The following ZNF385B variants were observed in gnomAD, a reference collection of about 807,000 sequenced individuals.
ZNF385B encodes zinc finger protein 533.
Under a neutral mutation model 39.2 loss-of-function variants are expected in ZNF385B, and 23 were observed. That is an observed-to-expected ratio of 0.59 (90% CI 0.42 to 0.83). The LOEUF (loss-of-function observed/expected upper bound fraction) is 0.83. Among genes scored for constraint, ZNF385B ranks in the 40% least tolerant of loss-of-function variants. The probability of loss-of-function intolerance (pLI) is 0.00; values close to 1 mark genes in which losing one functional copy is unlikely to be tolerated. For synonymous variants in ZNF385B, 205 were observed against 222.6 expected (o/e 0.92, Z 0.70); for missense variants, 552 against 598.9 (o/e 0.92, Z 0.82).
intron 1 of ZNF385B, among the ~76,000 whole-genome samples, chr2:179,849,053 GT>G (rs1708946341): frequency 6.6e-6 from 1 of 152,124 alleles, no homozygotes; most frequent in African/African-American, 2.4e-5. Context: ...GGAATCTTCA[GT>G]TTAAATATGT....
chr2:179,525,146 T>C (rs2058809423), intron 4 of ZNF385B, among the ~76,000 whole-genome samples: 1 of 152,146 alleles, frequency 6.6e-6, no homozygotes, highest in Non-Finnish European at 1.5e-5. Context: ...TGTTCCCTGC[T>C]AAAGAAACAC....
At chr2:179,618,270 A>G (rs980394014) in intron 3 of ZNF385B, among the ~76,000 whole-genome samples, 1 of 152,004 alleles carries the variant, frequency 6.6e-6, no homozygotes, top group Non-Finnish European at 1.5e-5. Context: ...ACTATTGCCA[A>G]CCTCTGTATT....
chr2:179,655,076 G>A (rs1166926496), intron 3 of ZNF385B, among the ~76,000 whole-genome samples: 1 of 152,160 alleles, frequency 6.6e-6, no homozygotes, highest in Non-Finnish European at 1.5e-5. Context: ...GGAAAGCTAG[G>A]AAAGGTTTTG....
chr2:179,513,117 G>A (rs1307008918), intron 5 of ZNF385B, among the ~76,000 whole-genome samples: 1 of 152,180 alleles, frequency 6.6e-6, no homozygotes, highest in African/African-American at 2.4e-5. Flanking sequence ...ACACTGAAGA[G>A]TGAAGCCAAT....
At chr2:179,632,195 G>A (rs942166313) in intron 3 of ZNF385B, among the ~76,000 whole-genome samples, 1 of 152,180 alleles carries the variant, frequency 6.6e-6, no homozygotes. Context: ...TCTGCAACAA[G>A]TAGACCTAAT....
chr2:179,453,499 A>C (rs2050361273), intron 6 of ZNF385B, among the ~76,000 whole-genome samples: 1 of 152,118 alleles, frequency 6.6e-6, no homozygotes, highest in Non-Finnish European at 1.5e-5. Context: ...TCTGAATCCC[A>C]AACTAATAAA....
chr2:179,582,589 A>G (rs1686655146), intron 3 of ZNF385B, among the ~76,000 whole-genome samples: 2 of 152,190 alleles, frequency 1.3e-5, no homozygotes, highest in South Asian at 4.1e-4. Context: ...GGAACAAGTT[A>G]GACAAAGTCC....
chr2:179,612,428 C>T (rs1689364394), intron 3 of ZNF385B, among the ~76,000 whole-genome samples: 2 of 150,336 alleles, frequency 1.3e-5, no homozygotes, highest in Admixed American at 6.7e-5. Context: ...TCTCTGCAGC[C>T]TGTCTGAATT....
chr2:179,557,278 T>A (rs1428480102), intron 3 of ZNF385B, among the ~76,000 whole-genome samples: 1 of 149,156 alleles, frequency 6.7e-6, no homozygotes. Flanking sequence ...TAGCATTTGG[T>A]GTGTTTTCTT....
chr2:179,674,278 G>A (rs1369395929), intron 3 of ZNF385B, among the ~76,000 whole-genome samples: 1 of 152,172 alleles, frequency 6.6e-6, no homozygotes, highest in African/African-American at 2.4e-5. Flanking sequence ...TAGTGAAGGA[G>A]ACGGATTATT....
At chr2:179,517,073 T>C (rs2058142320) in intron 5 of ZNF385B, among the ~76,000 whole-genome samples, 1 of 151,954 alleles carries the variant, frequency 6.6e-6, no homozygotes, top group Non-Finnish European at 1.5e-5. Flanking sequence ...AGTCTATTTC[T>C]GGACTCTGTT....
chr2:179,566,198 A>C (rs1307684384), intron 3 of ZNF385B, among the ~76,000 whole-genome samples: 1 of 152,262 alleles, frequency 6.6e-6, no homozygotes, highest in Non-Finnish European at 1.5e-5. Flanking sequence ...TGAGAATTAC[A>C]GAAACAAGTT....
intron 3 of ZNF385B, among the ~76,000 whole-genome samples, chr2:179,619,851 T>A (rs1186189488): frequency 1.3e-5 from 2 of 152,212 alleles, no homozygotes; most frequent in Non-Finnish European, 2.9e-5. Flanking sequence ...AATTACTGTT[T>A]AAGCATTCAT....
intron 3 of ZNF385B, among the ~76,000 whole-genome samples, chr2:179,644,250 A>T (rs1302646722): frequency 1.3e-5 from 2 of 152,154 alleles, no homozygotes; most frequent in Admixed American, 1.3e-4. Context: ...GCATTCGATG[A>T]AGGTAATGTT....
At chr2:179,466,575 C>T (rs2052042870) in intron 6 of ZNF385B, among the ~76,000 whole-genome samples, 2 of 151,952 alleles carry the variant, frequency 1.3e-5, no homozygotes, top group African/African-American at 4.8e-5. Context: ...TATACAATAT[C>T]CATTTGTGTT....
intron 5 of ZNF385B, among the ~76,000 whole-genome samples, chr2:179,496,768 G>A (rs1224165897): frequency 1.3e-5 from 2 of 152,198 alleles, no homozygotes; most frequent in Non-Finnish European, 2.9e-5. Context: ...TGATGGAGAG[G>A]CCAGGAGTGT....
At chr2:179,686,497 T>C (rs1255145090) in intron 3 of ZNF385B, among the ~76,000 whole-genome samples, 1 of 152,164 alleles carries the variant, frequency 6.6e-6, no homozygotes, top group East Asian at 1.9e-4. Context: ...GAGATCTGGG[T>C]TCTACCATGT....
chr2:179,632,490 T>C (rs1188999701), intron 3 of ZNF385B, among the ~76,000 whole-genome samples: 1 of 152,230 alleles, frequency 6.6e-6, no homozygotes, highest in African/African-American at 2.4e-5. Context: ...ATAAAGATGT[T>C]TTTTGAATCC....
intron 1 of ZNF385B, among the ~76,000 whole-genome samples, chr2:179,799,339 T>C (rs951484340): frequency 2.6e-5 from 4 of 152,066 alleles, no homozygotes; most frequent in African/African-American, 9.7e-5. Flanking sequence ...TCTACTTTTT[T>C]TAAAAGCTGG....
Sources: gnomAD v4.1 joint callset for allele counts (sites outside exome capture counted in the v4.1 genomes callset) on GRCh38, gnomAD v4.1.1 for gene constraint, MANE v1.5 for transcripts, NCBI Gene and HGNC (gene_info 2026-07-23, HGNC 2026-07-21) for gene names.